Variants in SMARCA4 observed in about 807,000 individuals in gnomAD.
The protein encoded by SMARCA4 is SWI/SNF-related matrix-associated actin-dependent regulator of chromatin subfamily A member 4.
A neutral mutation model predicts 193.9 loss-of-function variants in SMARCA4; 31 were observed. That is an observed-to-expected ratio of 0.16 (90% CI 0.12 to 0.22). The LOEUF (loss-of-function observed/expected upper bound fraction) is 0.22, where lower values mean the gene tolerates loss of function less well. Ranked by LOEUF, SMARCA4 falls within the 10% of genes least tolerant of loss-of-function variation. The pLI is 1.00. For synonymous variants in SMARCA4, 942 were observed against 933.1 expected (o/e 1.01, Z -0.17); for missense variants, 1,148 against 2,296.0 (o/e 0.50, Z 10.22).
At chr19:10,961,374 C>CG (rs2083786239) in intron 1 of SMARCA4, 200 bp downstream of exon 1, 1 of 148,392 alleles carries the variant, frequency 6.7e-6, no homozygotes, top group South Asian at 2.2e-4. Context: ...GTGGCAGCGG[C>CG]GGCCCCCGCG....
intron 1 of SMARCA4, among the ~76,000 whole-genome samples, chr19:10,975,477 AATTTTTGT>A (rs1249440539): frequency 2.0e-5 from 3 of 151,028 alleles, no homozygotes; most frequent in Non-Finnish European, 4.4e-5. Context: ...ACGCCCAGCT[AATTTTTGT>A]ATTTTAGTAG....
chr19:11,059,217 T>C (rs963517781), intron 32 of SMARCA4: 5 of 331,668 alleles, frequency 1.5e-5, no homozygotes, highest in African/African-American at 8.5e-5. Flanking sequence ...ACAGAAGAAA[T>C]AGACTCAGAG....
intron 19 of SMARCA4, among the ~76,000 whole-genome samples, chr19:11,023,191 A>G (rs1371650263): frequency 6.6e-6 from 1 of 151,872 alleles, no homozygotes; most frequent in African/African-American, 2.4e-5. Context: ...GTCTGTGGAC[A>G]CTCCAGTTTG....
chr19:11,004,784 C>T (rs909774140), intron 13 of SMARCA4, among the ~76,000 whole-genome samples: 1 of 151,798 alleles, frequency 6.6e-6, no homozygotes, highest in Non-Finnish European at 1.5e-5. Flanking sequence ...TGTTTTTGTT[C>T]CTCCTTTACT....
intron 29 of SMARCA4, among the ~76,000 whole-genome samples, chr19:11,037,477 A>G (rs1228731004): frequency 1.3e-5 from 2 of 152,196 alleles, no homozygotes; most frequent in East Asian, 3.8e-4. Context: ...ATGTCTAGTC[A>G]CATCATCCTT....
intron 1 of SMARCA4, among the ~76,000 whole-genome samples, chr19:10,983,199 C>G (rs774245522): frequency 6.6e-6 from 1 of 152,132 alleles, no homozygotes; most frequent in Non-Finnish European, 1.5e-5. Flanking sequence ...TCCCATTTGT[C>G]TCTGGGTGGT....
At chr19:11,056,381 G>C (rs1269143218) in intron 30 of SMARCA4, 1 of 152,258 alleles carries the variant, frequency 6.6e-6, no homozygotes. Context: ...AGTCTGAGAA[G>C]GGTATGTGCT....
chr19:11,048,982 G>A (rs944318398), intron 30 of SMARCA4, among the ~76,000 whole-genome samples: 2 of 152,186 alleles, frequency 1.3e-5, no homozygotes, highest in Non-Finnish European at 2.9e-5. Flanking sequence ...TACACAGAGT[G>A]CAGTGACATG....
At chr19:11,036,945 C>A (rs567718571) in intron 29 of SMARCA4, among the ~76,000 whole-genome samples, 37 of 152,266 alleles carry the variant, frequency 2.4e-4, no homozygotes, top group African/African-American at 8.4e-4. Context: ...ACATGCTGAC[C>A]CATGATGCAG....
chr19:11,023,017 C>T lies in SMARCA4; in HGVS notation c.2860-501C>T, dbSNP rs374490039. Among the ~76,000 whole-genome samples the T allele has an allele frequency of 5.8e-4, 88 of 152,288 alleles. No homozygotes were observed. The South Asian group carries it at 9.8e-3, about 17-fold the overall frequency. ...AGTTAATTATTAGTAGAGGAGTAGGCGCCGTGGGAGGTCAGGGTTTCTTTC... is the reference window on the plus strand; with the variant it reads ...AGTTAATTATTAGTAGAGGAGTAGGTGCCGTGGGAGGTCAGGGTTTCTTTC... On this transcript the variant is annotated intron_variant, in intron 19 of 34. Coordinates refer to ENST00000344626, the MANE Select transcript of SMARCA4 (RefSeq NM_003072.5).
At chr19:10,979,242 TCA>T (rs1350076798) in intron 1 of SMARCA4, among the ~76,000 whole-genome samples, 3 of 152,096 alleles carry the variant, frequency 2.0e-5, no homozygotes, top group Admixed American at 6.6e-5. Flanking sequence ...ACCACCAGTT[TCA>T]TTCTTGGACA....
chr19:11,045,276 C>G (rs1034473323), intron 30 of SMARCA4, among the ~76,000 whole-genome samples: 3 of 151,860 alleles, frequency 2.0e-5, no homozygotes, highest in African/African-American at 7.3e-5. Flanking sequence ...GCCGAGACCG[C>G]GCCACGGCAC....
chr19:11,003,327 AC>A lies in SMARCA4; in HGVS notation c.1944-12del, dbSNP rs1341011069. The A allele has an allele frequency of 6.2e-7, 1 of 1,613,166 alleles. No homozygotes were observed. ...TGAGCAGATTTGTATGAAAGCCCTT[AC>A]ATTTTTTCTAGGTATGAAGTAGCTC... On this transcript the variant is annotated splice_polypyrimidine_tract_variant and intron_variant, in intron 12 of 34. Transcript: ENST00000344626.
intron 1 of SMARCA4, among the ~76,000 whole-genome samples, chr19:10,962,570 G>C (rs1356700917): frequency 6.6e-6 from 1 of 152,066 alleles, no homozygotes; most frequent in Non-Finnish European, 1.5e-5. Flanking sequence ...TTGAGGCAGA[G>C]TCTTGCCTGT....
chr19:11,022,016 C>T (rs1317550299), intron 19 of SMARCA4, 49 bp downstream of exon 19: 1 of 1,610,342 alleles, frequency 6.2e-7, no homozygotes, highest in South Asian at 1.1e-5. Context: ...GTGCGGCTGG[C>T]TTTGCTGGTT....
rs748567373 is a variant in SMARCA4 at position 11,010,399 on chromosome 19, C to T, written c.2142C>T (p.Val714=). 1.1e-5 allele frequency: 17 copies of T among 1,613,982 alleles called. No individual in the cohort carries two copies. The highest frequency in any genetic ancestry group is 4.0e-5 in the African/African-American group (3 of 74,914). ...RHIIENAKQD[V]DDEYGVSQAL... ...CTCCCAGGAATGCCAAGCAAGATGT[C>T]GATGATGAATATGGCGTGTCCCAGG... The change falls in exon 15 of 35, where the codon GTC becomes GTT. Residue 714 remains valine, a synonymous_variant. Coordinates refer to ENST00000344626, the MANE Select transcript of SMARCA4 (RefSeq NM_003072.5).
At chr19:11,053,463 AAAAAAG>A (rs2076374725) in intron 30 of SMARCA4, among the ~76,000 whole-genome samples, 2 of 151,728 alleles carry the variant, frequency 1.3e-5, no homozygotes, top group Admixed American at 6.6e-5. Context: ...AAAAAAAAAA[AAAAAAG>A]AAAGAAATTC....
In SMARCA4 at chr19:10,985,401, C is replaced by G. The variant is rs966478275; in HGVS notation, c.351C>G (p.Ser117=). 1 of 1,613,684 alleles carries G rather than the reference C, an allele frequency of 6.2e-7. No homozygotes were observed. Among genetic ancestry groups the G allele is most frequent in the Admixed American group, 1.7e-5 (1 of 59,990 alleles). ...GPPPSPMDQH[S]QGYPSPLGGS... ...CGCCCAGCCCCATGGACCAGCACTCCCAAGGTACAGAACTGCGTTCCTTCC... is the reference window on the plus strand; with the variant it reads ...CGCCCAGCCCCATGGACCAGCACTCGCAAGGTACAGAACTGCGTTCCTTCC... The change falls in exon 3 of 35, where the codon TCC becomes TCG. Residue 117 remains serine, a synonymous_variant. Transcript: ENST00000344626. The surrounding 1 kb of genome is among the most constrained non-coding windows in gnomAD (Gnocchi z 4.5).
intron 1 of SMARCA4, 25 bp downstream of exon 1, chr19:10,961,199 A>G (rs2083763092): frequency 1.4e-5 from 2 of 146,048 alleles, no homozygotes; most frequent in African/African-American, 5.0e-5. Context: ...CCGCGGGGGC[A>G]GCGCGGCGCG....
Sources: gnomAD v4.1 joint callset for allele counts (sites outside exome capture counted in the v4.1 genomes callset) on GRCh38, gnomAD v4.1.1 for gene constraint, Gnocchi (gnomAD v3.1) non-coding constraint, MANE v1.5 for transcripts, NCBI Gene and HGNC (gene_info 2026-07-23, HGNC 2026-07-21) for gene names.